PLPPR4: variants seen among roughly 807,000 people sequenced by gnomAD.
The protein encoded by PLPPR4 is phospholipid phosphatase-related protein type 4.
Under a neutral mutation model 56.6 loss-of-function variants are expected in PLPPR4, and 24 were observed. The ratio of observed to expected loss-of-function variants is 0.42; its 90% confidence interval spans 0.31 to 0.60. The LOEUF is 0.60. Among genes scored for constraint, PLPPR4 ranks in the 20% least tolerant of loss-of-function variants. The pLI, the probability that PLPPR4 is intolerant of heterozygous loss-of-function variation, is 0.13. For synonymous variants in PLPPR4, 326 were observed against 328.1 expected, an observed-to-expected ratio of 0.99 and a Z score of 0.07; for missense variants, 654 against 885.8, an observed-to-expected ratio of 0.74 and a Z score of 3.32.
chr1:99,286,914 TTTTC>T (rs1417931396), intron 1 of PLPPR4, among the ~76,000 whole-genome samples: 1 of 152,184 alleles, frequency 6.6e-6, no homozygotes, highest in Non-Finnish European at 1.5e-5. Flanking sequence ...TGTTTGTTTG[TTTTC>T]TTTATTTCTT....
intron 1 of PLPPR4, among the ~76,000 whole-genome samples, chr1:99,285,519 C>T (rs1257050883): frequency 6.6e-6 from 1 of 151,884 alleles, no homozygotes; most frequent in Admixed American, 6.6e-5. Context: ...GAATAATAGC[C>T]GATAAGAAAA....
chr1:99,308,653 A>G lies in PLPPR4; in HGVS notation c.*1643A>G, dbSNP rs1660108812. ...GTTTACAGATGAATAGTATCACATC[A>G]TTATCAATTTCCACATGAAAAAGGT... On this transcript the variant is annotated 3_prime_UTR_variant, in exon 7 of 7. Coordinates refer to ENST00000370185, the MANE Select transcript of PLPPR4 (RefSeq NM_014839.5). 1 of 152,644 alleles carries G rather than the reference A, an allele frequency of 6.6e-6. No individual in the cohort carries two copies. The highest frequency in any genetic ancestry group is 1.5e-5 in the Non-Finnish European group (1 of 68,042). The allele number at this position is 152,644 out of a possible 1,614,324, so 9.5% of individuals were successfully genotyped here. A position where few individuals can be genotyped will look rare whatever the true frequency, so the allele number is the denominator to read the frequency against.
intron 6 of PLPPR4, 85 bp from the exon 7 acceptor site, chr1:99,305,600 T>C: frequency 7.9e-7 from 1 of 1,268,926 alleles, no homozygotes; most frequent in East Asian, 2.3e-5. Flanking sequence ...CATATACCTA[T>C]GTATGTACTT....
intron 1 of PLPPR4, among the ~76,000 whole-genome samples, chr1:99,276,341 C>T (rs1014209051): frequency 3.3e-5 from 5 of 151,930 alleles, no homozygotes; most frequent in Admixed American, 2.0e-4. Flanking sequence ...ATGTATCAGG[C>T]ACATGGAAAA....
In PLPPR4 at chr1:99,298,380, T is replaced by C. The variant is rs536855401; in HGVS notation, c.395-655T>C. On this transcript the variant is annotated intron_variant, in intron 3 of 6. Transcript: ENST00000370185. The stretch of plus-strand genomic sequence containing the variant: ...GCATGTACAAGTGCAAGGATTTTTT[T>C]ATTTCATGGTTTAAAATTGGTCCTA... Among the ~76,000 whole-genome samples the C allele has an allele frequency of 3.3e-5, 5 of 152,284 alleles. No individual in the cohort carries two copies. The East Asian group carries it at 7.7e-4, about 24-fold the overall frequency.
At chr1:99,302,616 A>C (rs1659913071) in intron 6 of PLPPR4, among the ~76,000 whole-genome samples, 1 of 148,860 alleles carries the variant, frequency 6.7e-6, no homozygotes. Context: ...TGCACCCATT[A>C]ACTCGTCATT....
chr1:99,291,514 T>C (rs1389518795), intron 2 of PLPPR4, among the ~76,000 whole-genome samples: 1 of 152,158 alleles, frequency 6.6e-6, no homozygotes, highest in Admixed American at 6.5e-5. Flanking sequence ...AGCAAAGACA[T>C]GGAATCAGCC....
intron 1 of PLPPR4, among the ~76,000 whole-genome samples, chr1:99,282,553 G>A (rs538524353): frequency 6.6e-6 from 1 of 152,012 alleles, no homozygotes; most frequent in Admixed American, 6.6e-5. Context: ...TCCTACTTTT[G>A]ACCCACCATG....
At chr1:99,292,675 G>A (rs1364401183) in intron 2 of PLPPR4, among the ~76,000 whole-genome samples, 2 of 151,962 alleles carry the variant, frequency 1.3e-5, no homozygotes, top group South Asian at 2.1e-4. Flanking sequence ...TAGGTTTTAG[G>A]TAACCAACTG....
chr1:99,275,887 A>G (rs1485188043), intron 1 of PLPPR4, among the ~76,000 whole-genome samples: 1 of 152,090 alleles, frequency 6.6e-6, no homozygotes, highest in Non-Finnish European at 1.5e-5. Context: ...CCAGAGGTCA[A>G]TGCAGCACAG....
chr1:99,298,910 T>G lies in PLPPR4; in HGVS notation c.395-125T>G. On this transcript the variant is annotated intron_variant, in intron 3 of 6. Coordinates refer to ENST00000370185, the MANE Select transcript of PLPPR4 (RefSeq NM_014839.5). The stretch of plus-strand genomic sequence containing the variant: ...TTAGGAATTTTCTATACTGTCTTCT[T>G]GAAATCAACTTAGAGAAAATGAACA... 4 of 778,336 alleles carry G rather than the reference T, an allele frequency of 5.1e-6. No individual in the cohort carries two copies. The Admixed American group carries it at 8.3e-5, about 16-fold the overall frequency. The allele number at this position is 778,336 out of a possible 1,614,324, so 48.2% of individuals were successfully genotyped here.
chr1:99,271,343 G>A (rs1659056079), intron 1 of PLPPR4, among the ~76,000 whole-genome samples: 1 of 152,156 alleles, frequency 6.6e-6, no homozygotes, highest in Non-Finnish European at 1.5e-5. Context: ...TGAAGTGAGG[G>A]AGTCAGGATT....
chr1:99,298,823 A>G (rs1659809862), intron 3 of PLPPR4: 1 of 641,148 alleles, frequency 1.6e-6, no homozygotes, highest in Non-Finnish European at 2.8e-6. Context: ...AAAAGTGCCT[A>G]AAGTTACTAC....
rs1343816847 is a variant in PLPPR4, at chr1:99,307,852, G to A, written c.*842G>A. ...TAAATATTATTTTAGAGAATCTTTT[G>A]AAATTGTTGTGATCATATTTTGCTT... On this transcript the variant is annotated 3_prime_UTR_variant, in exon 7 of 7. Transcript: ENST00000370185. The A allele has an allele frequency of 6.6e-6, 1 of 152,078 alleles. No homozygotes were observed. The highest frequency in any genetic ancestry group is 1.5e-5 in the Non-Finnish European group (1 of 68,010). 9.4% of individuals were successfully genotyped at this position (152,078 alleles called of 1,614,324 possible).
chr1:99,265,666 T>C (rs1193469535), intron 1 of PLPPR4, among the ~76,000 whole-genome samples: 1 of 152,232 alleles, frequency 6.6e-6, no homozygotes, highest in Non-Finnish European at 1.5e-5. Context: ...AGACTGTTGC[T>C]GAATCATAAA....
At chr1:99,279,576 C>G (rs1315928670) in intron 1 of PLPPR4, among the ~76,000 whole-genome samples, 1 of 152,134 alleles carries the variant, frequency 6.6e-6, no homozygotes, top group Admixed American at 6.6e-5. Context: ...GTTGAAACCC[C>G]TTGACACATG....
chr1:99,285,294 A>T (rs913858006), intron 1 of PLPPR4, among the ~76,000 whole-genome samples: 2 of 152,226 alleles, frequency 1.3e-5, no homozygotes, highest in African/African-American at 4.8e-5. Flanking sequence ...CAAATTAATT[A>T]AAATTTCTAA....
intron 1 of PLPPR4, among the ~76,000 whole-genome samples, chr1:99,272,497 C>T (rs898098860): frequency 7.2e-5 from 11 of 152,120 alleles, no homozygotes; most frequent in South Asian, 2.1e-4. Flanking sequence ...GAACAAATTG[C>T]GCTGGCTGTT....
chr1:99,266,704 G>A (rs1485399654), intron 1 of PLPPR4, among the ~76,000 whole-genome samples: 1 of 152,072 alleles, frequency 6.6e-6, no homozygotes. Flanking sequence ...TGTATCTTGG[G>A]GTTAACAGAC....
Sources: allele counts gnomAD v4.1 joint callset (sites outside exome capture counted in the v4.1 genomes callset), GRCh38; gene constraint gnomAD v4.1.1; transcripts MANE v1.5; gene names NCBI Gene and HGNC (gene_info 2026-07-23, HGNC 2026-07-21).